CTSB: variants seen among roughly 807,000 people sequenced by gnomAD.
CTSB encodes cathepsin B, also known as APP secretase.
In CTSB, 57 loss-of-function variants were observed where a neutral mutation model predicts 44.3. That is an observed-to-expected ratio of 1.29 (90% CI 1.04 to 1.60). CTSB has a LOEUF of 1.60. Among genes scored for constraint, CTSB ranks in the 40% most tolerant of loss-of-function variants. CTSB has a pLI of 0.00. For missense variants in CTSB, 768 were observed against 443.0 expected, an observed-to-expected ratio of 1.73 and a Z score of -6.59; for synonymous variants, 320 against 168.0, an observed-to-expected ratio of 1.91 and a Z score of -7.00.
chr8:11,853,266 G>A (rs372768719), intron 2 of CTSB, 63 bp downstream of exon 2: 2 of 1,587,030 alleles, frequency 1.3e-6, no homozygotes, highest in Non-Finnish European at 1.7e-6. Flanking sequence ...TCCCATTCCT[G>A]GAGTCAGTGT....
In CTSB at chr8:11,843,413, G is replaced by A. The variant is rs943098356; in HGVS notation, c.*1712C>T. ...GAGCTAGCCTCATACCACTTCAGTT[G>A]GGAAGGGGAGTACTGAGGTGTACCT... On this transcript the variant is annotated 3_prime_UTR_variant, in exon 10 of 10. Coordinates refer to ENST00000353047, the MANE Select transcript of CTSB (RefSeq NM_001908.5). The A allele has an allele frequency of 4.6e-5, 7 of 152,210 alleles. No individual in the cohort carries two copies. The highest frequency in any genetic ancestry group is 3.9e-4 in the Admixed American group (6 of 15,286). 9.4% of individuals were successfully genotyped at this position (152,210 alleles called of 1,614,324 possible).
At chr8:11,861,097 C>A (rs1451534153) in intron 1 of CTSB, among the ~76,000 whole-genome samples, 1 of 152,212 alleles carries the variant, frequency 6.6e-6, no homozygotes, top group East Asian at 1.9e-4. Context: ...TTAGTAGATT[C>A]TTGGCTTATG....
intron 4 of CTSB, chr8:11,849,525 G>A: frequency 5.7e-6 from 1 of 174,590 alleles, no homozygotes; most frequent in Admixed American, 5.6e-5. Flanking sequence ...TGGAAACTGG[G>A]TTCATTTCTG....
At chr8:11,866,183 C>T (rs1360868496) in intron 1 of CTSB, among the ~76,000 whole-genome samples, 1 of 152,170 alleles carries the variant, frequency 6.6e-6, no homozygotes, top group African/African-American at 2.4e-5. Flanking sequence ...ACTTCTCTTC[C>T]AACTCCCAGG....
At position 11,850,991 on chromosome 8, in the gene CTSB, G is replaced by A. The variant is rs746276484; in HGVS notation, c.213-11C>T. The A allele has an allele frequency of 1.9e-6, 3 of 1,600,598 alleles. No individual in the cohort carries two copies. Among genetic ancestry groups the A allele is most frequent in the Admixed American group, 1.7e-5 (1 of 59,548 alleles). ...TCGGTAAACATAACTCTGGATAAAGGAAGGTCTTCATTACAAGCTCTGATC... is the reference window on the plus strand; with the variant it reads ...TCGGTAAACATAACTCTGGATAAAGAAAGGTCTTCATTACAAGCTCTGATC... On this transcript the variant is annotated splice_polypyrimidine_tract_variant and intron_variant, in intron 3 of 9. Transcript: ENST00000353047.
In CTSB at chr8:11,856,181, G is replaced by C. The variant is rs571346217; in HGVS notation, c.-25-2702C>G. The stretch of plus-strand genomic sequence containing the variant: ...GGGGAAACGGAAGGCATGATAATGA[G>C]TGCCTGGGGTGGGTGGGCACAACCA... On this transcript the variant is annotated intron_variant, in intron 1 of 9. Coordinates refer to ENST00000353047, the MANE Select transcript of CTSB (RefSeq NM_001908.5). 3.9e-5 allele frequency among the ~76,000 whole-genome samples: 6 copies of C among 152,206 alleles called. No individual in the cohort carries two copies. In the East Asian group the frequency reaches 7.7e-4, roughly 20 times the overall value.
rs1332265447 is a variant in CTSB, at chr8:11,845,038, AACTTGTATCTT to A, written c.*76_*86del. On this transcript the variant is annotated 3_prime_UTR_variant, in exon 10 of 10. Transcript: ENST00000353047. ...ATCCAGTCCTTCAGACCCTGTCTGA[AACTTGTATCTT>A]ACGTGAACTTAAAGAATAAAATGCA... The A allele has an allele frequency of 1.5e-5, 14 of 927,754 alleles. No homozygotes were observed. In the Admixed American group the frequency reaches 1.7e-4, roughly 11 times the overall value. The allele number at this position is 927,754 out of a possible 1,614,324, so 57.5% of individuals were successfully genotyped here.
At chr8:11,850,600 G>T (rs772410042) in intron 4 of CTSB, 8 of 325,750 alleles carry the variant, frequency 2.5e-5, no homozygotes, top group Non-Finnish European at 4.6e-5. Context: ...TTTGCGGACG[G>T]GCCAGCATGT....
intron 1 of CTSB, among the ~76,000 whole-genome samples, chr8:11,859,073 G>C (rs982516141): frequency 5.3e-5 from 8 of 152,092 alleles, no homozygotes; most frequent in African/African-American, 1.9e-4. Context: ...CTGCTGTGCT[G>C]CTTAGGCAGA....
chr8:11,859,215 G>A (rs997486588), intron 1 of CTSB, among the ~76,000 whole-genome samples: 2 of 152,052 alleles, frequency 1.3e-5, no homozygotes, highest in South Asian at 2.1e-4. Flanking sequence ...GCTCCACCCC[G>A]GCTCTGTAGA....
intron 1 of CTSB, among the ~76,000 whole-genome samples, chr8:11,863,662 A>G (rs1024241430): frequency 2.6e-5 from 4 of 152,238 alleles, no homozygotes; most frequent in South Asian, 4.1e-4. Context: ...AACACTAGGC[A>G]TAAGTGGGTT....
chr8:11,848,012 G>A lies in CTSB; in HGVS notation c.532+55C>T, dbSNP rs1358580360. On this transcript the variant is annotated intron_variant, in intron 6 of 9. Coordinates refer to ENST00000353047, the MANE Select transcript of CTSB (RefSeq NM_001908.5). The stretch of plus-strand genomic sequence containing the variant: ...TATAAAGGCAAATAAAGCCATGATG[G>A]TTAATTGCTCAAACAATCCATCTGG... 3 of 1,455,196 alleles carry A rather than the reference G, an allele frequency of 2.1e-6. 1 individual carries two copies. The highest frequency in any genetic ancestry group is 2.4e-5 in the South Asian group (2 of 82,032). 90.1% of individuals were successfully genotyped at this position (1,455,196 alleles called of 1,614,324 possible). A position where few individuals can be genotyped will look rare whatever the true frequency, so the allele number is the denominator to read the frequency against.
chr8:11,865,254 G>C (rs1220496434), intron 1 of CTSB, among the ~76,000 whole-genome samples: 1 of 152,170 alleles, frequency 6.6e-6, no homozygotes, highest in African/African-American at 2.4e-5. Flanking sequence ...CCATTGAAAA[G>C]AGGCAGCAGA....
intron 8 of CTSB, among the ~76,000 whole-genome samples, chr8:11,846,731 C>T (rs535892170): frequency 1.1e-4 from 16 of 152,204 alleles, no homozygotes; most frequent in South Asian, 2.1e-4. Flanking sequence ...CGAGGGCAGG[C>T]GTGGCCAGCC....
chr8:11,865,709 GATT>G (rs1817027695), intron 1 of CTSB: 1 of 151,498 alleles, frequency 6.6e-6, no homozygotes, highest in African/African-American at 2.4e-5. Flanking sequence ...CTCATTACCA[GATT>G]TAAGAAAATT....
At chr8:11,860,029 A>G (rs1816166644) in intron 1 of CTSB, among the ~76,000 whole-genome samples, 1 of 151,818 alleles carries the variant, frequency 6.6e-6, no homozygotes. Flanking sequence ...CCAAGATCAC[A>G]CCACTGCACT....
chr8:11,852,437 A>G (rs182234167), intron 3 of CTSB, among the ~76,000 whole-genome samples, 173 bp downstream of exon 3: 5 of 152,322 alleles, frequency 3.3e-5, no homozygotes, highest in African/African-American at 1.2e-4. Flanking sequence ...AAATAAAAAG[A>G]GAAAGTAATA....
Position 11,850,890 on chromosome 8 carries a change from G to C in CTSB, c.303C>G (p.Asp101Glu), listed in dbSNP as rs1255975648. The C allele has an allele frequency of 1.9e-6, 3 of 1,613,176 alleles. No individual in the cohort carries two copies. The highest frequency in any genetic ancestry group is 1.3e-5 in the African/African-American group (1 of 74,906). The change falls in exon 4 of 10, where the codon GAC (aspartate) becomes GAG (glutamate). Residue 101 changes from aspartate to glutamate, a missense_variant. Coordinates refer to ENST00000353047, the MANE Select transcript of CTSB (RefSeq NM_001908.5). ...PQCPTIKEIR[D>E]QGSCGSCWAF... The stretch of plus-strand genomic sequence containing the variant: ...CCCAGCAGGAGCCACAGGAGCCCTG[G>C]TCTCTGATCTCTTTGATGGTGGGAC...
At chr8:11,862,934 C>G (rs1816640185) in intron 1 of CTSB, among the ~76,000 whole-genome samples, 1 of 152,308 alleles carries the variant, frequency 6.6e-6, no homozygotes, top group Middle Eastern at 3.4e-3. Flanking sequence ...ATGACCAGAC[C>G]AAAGAAGTTA....
Sources: gnomAD v4.1 joint callset for allele counts (sites outside exome capture counted in the v4.1 genomes callset) on GRCh38, gnomAD v4.1.1 for gene constraint, MANE v1.5 for transcripts, NCBI Gene and HGNC (gene_info 2026-07-23, HGNC 2026-07-21) for gene names.